The following TTL variants were observed in gnomAD, a reference collection of about 807,000 sequenced individuals.
TTL encodes the protein tubulin tyrosine ligase, also known as tubulin--tyrosine ligase.
Under a neutral mutation model 41.1 loss-of-function variants are expected in TTL, and 10 were observed. That is an observed-to-expected ratio of 0.24 (90% CI 0.15 to 0.41). TTL has a LOEUF of 0.41. Among genes scored for constraint, TTL ranks in the 10% least tolerant of loss-of-function variants. The probability of loss-of-function intolerance (pLI) is 1.00; values close to 1 mark genes in which losing one functional copy is unlikely to be tolerated. For synonymous variants in TTL, 175 were observed against 175.5 expected (o/e 1.00, Z 0.02); for missense variants, 367 against 460.4 (o/e 0.80, Z 1.86).
chr2:112,520,763 C>T, intron 6 of TTL: 1 of 229,500 alleles, frequency 4.4e-6, no homozygotes, highest in Non-Finnish European at 8.9e-6. Context: ...ACAAAAAATA[C>T]AGAAATTAGT....
chr2:112,483,814 C>T (rs1393723925), intron 1 of TTL: 1 of 152,158 alleles, frequency 6.6e-6, no homozygotes, highest in Non-Finnish European at 1.5e-5. Flanking sequence ...AATGGTGACT[C>T]CATGGAAGGA....
chr2:112,482,625 C>A lies in TTL; in HGVS notation c.157+124C>A. The A allele has an allele frequency of 9.1e-7, 1 of 1,102,384 alleles. No individual in the cohort carries two copies. Among genetic ancestry groups the A allele is most frequent in the Middle Eastern group, 2.4e-4 (1 of 4,110 alleles). 68.3% of individuals were successfully genotyped at this position (1,102,384 alleles called of 1,614,324 possible). A position where few individuals can be genotyped will look rare whatever the true frequency, so the allele number is the denominator to read the frequency against. On this transcript the variant is annotated intron_variant, in intron 1 of 6. Transcript: ENST00000233336. This position sits in a 1 kb window ranked among gnomAD's most constrained non-coding sequence, Gnocchi z 5.3. ...ATTTTCTCCTCTGTCGCTTGTCGGG[C>A]ACATCAGAAACGGATTCGGAAAGAT...
intron 2 of TTL, among the ~76,000 whole-genome samples, chr2:112,492,439 G>C (rs1040918452): frequency 6.6e-6 from 1 of 151,892 alleles, no homozygotes; most frequent in Non-Finnish European, 1.5e-5. Flanking sequence ...ACAAAAATTA[G>C]CTGGGTGTGG....
chr2:112,489,388 T>A (rs1371466139), intron 2 of TTL, among the ~76,000 whole-genome samples: 5 of 152,222 alleles, frequency 3.3e-5, no homozygotes, highest in African/African-American at 1.2e-4. Context: ...AGCCAGAAGA[T>A]CTATTTCCTT....
chr2:112,526,976 T>C (rs908503944), intron 6 of TTL, among the ~76,000 whole-genome samples: 1 of 152,252 alleles, frequency 6.6e-6, no homozygotes, highest in African/African-American at 2.4e-5. Flanking sequence ...CCAGAGATTC[T>C]GGTATGTTGT....
chr2:112,535,725 G>C lies in TTL; in HGVS notation c.*6930G>C, dbSNP rs1682584730. On this transcript the variant is annotated 3_prime_UTR_variant, in exon 7 of 7. Coordinates refer to ENST00000233336, the MANE Select transcript of TTL (RefSeq NM_153712.5). ...AATGAATTAAATACTCCAATCAGAAGGTAGAGATTGGCAAATTGATTTTTT... is the reference window on the plus strand; with the variant it reads ...AATGAATTAAATACTCCAATCAGAACGTAGAGATTGGCAAATTGATTTTTT... 1.0e-5 allele frequency: 1 copy of C among 97,596 alleles called. No homozygotes were observed. Among genetic ancestry groups the C allele is most frequent in the Non-Finnish European group, 2.0e-5 (1 of 48,908 alleles). 6.0% of individuals were successfully genotyped at this position (97,596 alleles called of 1,614,324 possible).
chr2:112,534,537 C>T lies in TTL; in HGVS notation c.*5742C>T, dbSNP rs1682565688. 6.6e-6 allele frequency: 1 copy of T among 152,586 alleles called. No individual in the cohort carries two copies. The highest frequency in any genetic ancestry group is 1.5e-5 in the Non-Finnish European group (1 of 68,016). The allele number at this position is 152,586 out of a possible 1,614,324, so 9.5% of individuals were successfully genotyped here. A position where few individuals can be genotyped will look rare whatever the true frequency, so the allele number is the denominator to read the frequency against. On this transcript the variant is annotated 3_prime_UTR_variant, in exon 7 of 7. Coordinates refer to ENST00000233336, the MANE Select transcript of TTL (RefSeq NM_153712.5). ...CAAAGCTTCATTACCAGAGAATTGC[C>T]ATTTGGCCTTTTTGGTAGTTCCATG...
Position 112,520,314 on chromosome 2 carries a change from G to T in TTL, c.908G>T (p.Ser303Ile). Residue 303 changes from serine to isoleucine, a missense_variant, in exon 6 of 7, where the codon AGC (serine) becomes ATC (isoleucine). Ser to Ile is a moderately radical substitution (Grantham distance 142, BLOSUM62 -2). Transcript: ENST00000233336. ...CTCCTGAGCGTGGAGCCTGCCATTA[G>T]CACCAAGCACCTCCCTTACCAGAGC... ...NCLLSVEPAISTKHLPYQSFQ... is the reference protein window; with the variant it reads ...NCLLSVEPAIITKHLPYQSFQ... 2 of 1,614,106 alleles carry T rather than the reference G, an allele frequency of 1.2e-6. No individual in the cohort carries two copies. Among genetic ancestry groups the T allele is most frequent in the Non-Finnish European group, 8.5e-7 (1 of 1,180,004 alleles).
rs1471126253 is a variant in TTL at position 112,541,517 on chromosome 2, A to G, written c.*12722A>G. 1 of 152,384 alleles carries G rather than the reference A, an allele frequency of 6.6e-6. No individual in the cohort carries two copies. The highest frequency in any genetic ancestry group is 1.5e-5 in the Non-Finnish European group (1 of 68,152). 9.4% of individuals were successfully genotyped at this position (152,384 alleles called of 1,614,324 possible). A position where few individuals can be genotyped will look rare whatever the true frequency, so the allele number is the denominator to read the frequency against. On this transcript the variant is annotated 3_prime_UTR_variant, in exon 7 of 7. Transcript: ENST00000233336. ...AAGTGATATAGGAATGAAAAGTACCAGCTGAACTAGGAAAGGGGAAGTTGA... is the reference window on the plus strand; with the variant it reads ...AAGTGATATAGGAATGAAAAGTACCGGCTGAACTAGGAAAGGGGAAGTTGA...
At chr2:112,523,709 G>A (rs919246343) in intron 6 of TTL, among the ~76,000 whole-genome samples, 16 of 152,146 alleles carry the variant, frequency 1.1e-4, no homozygotes, top group Non-Finnish European at 2.9e-5. Flanking sequence ...AGTATTTGCT[G>A]AGGGAATGCT....
chr2:112,482,305 G>C lies in TTL; in HGVS notation c.-40G>C. 1.4e-6 allele frequency: 2 copies of C among 1,421,254 alleles called. No homozygotes were observed. The highest frequency in any genetic ancestry group is 2.0e-4 in the Middle Eastern group (1 of 5,128). The allele number at this position is 1,421,254 out of a possible 1,614,324, so 88.0% of individuals were successfully genotyped here. On this transcript the variant is annotated 5_prime_UTR_variant, in exon 1 of 7. Coordinates refer to ENST00000233336, the MANE Select transcript of TTL (RefSeq NM_153712.5). This position sits in a 1 kb window ranked among gnomAD's most constrained non-coding sequence, Gnocchi z 5.3. ...CCGCCTTCTCGGCCGCCTGGTCCCT[G>C]CGGCGGCTGCCCGGCGGCCCGGGCG... is the stretch of plus-strand genomic sequence containing the variant.
At chr2:112,494,757 G>A (rs568323827) in intron 3 of TTL, among the ~76,000 whole-genome samples, 9 of 152,228 alleles carry the variant, frequency 5.9e-5, no homozygotes, top group African/African-American at 2.2e-4. Context: ...CTTGACTACT[G>A]TATTCTTTAC....
At position 112,485,935 on chromosome 2, in the gene TTL, T is replaced by C; in HGVS notation, c.176T>C (p.Val59Ala). ...TTCCTAGGTCACGAGCCCGGGCTGG[T>C]ACAGTTGGTGAATTACTACAGGGGT... is the stretch of plus-strand genomic sequence containing the variant. The part of the protein sequence containing the change: ...FGRLGHEPGL[V>A]QLVNYYRGAD... The change falls in exon 2 of 7, where the codon GTA becomes GCA. Residue 59 changes from valine to alanine, a missense_variant. Transcript: ENST00000233336. The C allele has an allele frequency of 6.2e-7, 1 of 1,614,162 alleles. No homozygotes were observed. The highest frequency in any genetic ancestry group is 8.5e-7 in the Non-Finnish European group (1 of 1,180,016).
chr2:112,482,761 C>A lies in TTL; in HGVS notation c.157+260C>A, dbSNP rs1487674736. ...ACCTCCCGACGGTGACCGGTCCCTGCAGCCCGGGAGACGCTGGCCGCCGGG... is the reference window on the plus strand; with the variant it reads ...ACCTCCCGACGGTGACCGGTCCCTGAAGCCCGGGAGACGCTGGCCGCCGGG... On this transcript the variant is annotated intron_variant, in intron 1 of 6. Coordinates refer to ENST00000233336, the MANE Select transcript of TTL (RefSeq NM_153712.5). This position sits in a 1 kb window ranked among gnomAD's most constrained non-coding sequence, Gnocchi z 5.3. Among the ~76,000 whole-genome samples, 1 of 152,240 alleles carries A rather than the reference C, an allele frequency of 6.6e-6. No homozygotes were observed.
chr2:112,500,483 A>G (rs1161830406), intron 3 of TTL, among the ~76,000 whole-genome samples: 1 of 152,140 alleles, frequency 6.6e-6, no homozygotes, highest in Non-Finnish European at 1.5e-5. Context: ...AGGCAGGAGA[A>G]TTGCTTGAAC....
chr2:112,519,875 A>C (rs1208218101), intron 5 of TTL, among the ~76,000 whole-genome samples: 1 of 152,180 alleles, frequency 6.6e-6, no homozygotes, highest in Non-Finnish European at 1.5e-5. Context: ...TCGCACCTGT[A>C]ATCCCAGCAC....
At chr2:112,514,535 C>T (rs1682016931) in intron 5 of TTL, among the ~76,000 whole-genome samples, 1 of 152,188 alleles carries the variant, frequency 6.6e-6, no homozygotes, top group Non-Finnish European at 1.5e-5. Context: ...TCTTTTCCTA[C>T]TCTGAAGGTT....
chr2:112,511,435 C>G (rs1253380120), intron 5 of TTL, among the ~76,000 whole-genome samples: 1 of 151,864 alleles, frequency 6.6e-6, no homozygotes, highest in Non-Finnish European at 1.5e-5. Flanking sequence ...TTGTATATGT[C>G]TCCTTTCAAT....
At position 112,503,172 on chromosome 2, in the gene TTL, A is replaced by G; in HGVS notation, c.866A>G (p.His289Arg). The G allele has an allele frequency of 6.3e-7, 1 of 1,592,412 alleles. No homozygotes were observed. Among genetic ancestry groups the G allele is most frequent in the Non-Finnish European group, 8.6e-7 (1 of 1,167,908 alleles). The change falls in exon 5 of 7, where the codon CAT becomes CGT. Residue 289 changes from histidine to arginine, a missense_variant. Physicochemically the swap from His to Arg is conservative, Grantham distance 29 (BLOSUM62 0). Transcript: ENST00000233336. Reference protein sequence around the residue: ...LESSILLQIKHIIRNCLLSVE... With the variant: ...LESSILLQIKRIIRNCLLSVE... Reference sequence around the variant, plus strand: ...AGTAGTATCTTACTACAAATCAAACATATAATAAGGTAACTTAATTGTATC... The same window carrying G: ...AGTAGTATCTTACTACAAATCAAACGTATAATAAGGTAACTTAATTGTATC...
Sources: gnomAD v4.1 joint callset for allele counts (sites outside exome capture counted in the v4.1 genomes callset) on GRCh38, gnomAD v4.1.1 for gene constraint, Gnocchi (gnomAD v3.1) non-coding constraint, MANE v1.5 for transcripts, NCBI Gene and HGNC (gene_info 2026-07-23, HGNC 2026-07-21) for gene names.